The following ZSCAN30 variants were observed in gnomAD, a reference collection of about 807,000 sequenced individuals.
The protein encoded by ZSCAN30 is zinc finger and SCAN domain containing 30.
Under a neutral mutation model 44.3 loss-of-function variants are expected in ZSCAN30, and 37 were observed. The observed-to-expected ratio is 0.84, with a 90% CI of 0.64 to 1.10. ZSCAN30 has a LOEUF of 1.10. Among genes scored for constraint, ZSCAN30 ranks in the 50% least tolerant of loss-of-function variants. ZSCAN30 has a pLI of 0.00. For synonymous variants in ZSCAN30, 181 were observed against 204.6 expected (o/e 0.88, Z 0.98); for missense variants, 549 against 582.6 (o/e 0.94, Z 0.59).
chr18:35,271,916 C>T lies in ZSCAN30; in HGVS notation c.-103-7461G>A, dbSNP rs561243825. On this transcript the variant is annotated intron_variant, in intron 1 of 3. Coordinates refer to ENST00000333206, the MANE Select transcript of ZSCAN30 (RefSeq NM_001112734.4). ...TGCTAAGCCCCTTACTGCCTGGGGC[C>T]GGCGGCGCTGGCCGGCCGCTCCAAG... Among the ~76,000 whole-genome samples the T allele has an allele frequency of 5.3e-5, 8 of 152,212 alleles. No homozygotes were observed. The South Asian group carries it at 1.2e-3, about 24-fold the overall frequency.
rs764596765 is a variant in ZSCAN30 at position 35,264,220 on chromosome 18, C to T, written c.133G>A (p.Glu45Lys). Residue 45 changes from glutamate to lysine, a missense_variant, in exon 2 of 4, where the codon GAG becomes AAG. By Grantham distance (56) the Glu-to-Lys change is moderately conservative. Transcript: ENST00000333206. ...TGCCTGAACTTCTGCCGGAATACCT[C>T]TTGGCTCCAGGGGTTTTCCTGAAGG... ...FGLQENPWSQ[E>K]VFRQKFRQFS... The T allele has an allele frequency of 2.6e-5, 42 of 1,614,094 alleles. No individual in the cohort carries two copies. In the East Asian group the frequency reaches 9.4e-4, roughly 36 times the overall value.
intron 1 of ZSCAN30, among the ~76,000 whole-genome samples, chr18:35,278,275 T>C (rs775989410): frequency 9.2e-5 from 14 of 152,160 alleles, no homozygotes; most frequent in African/African-American, 1.4e-4. Flanking sequence ...TCAGCTGAGG[T>C]GGCCCTGCCA....
At chr18:35,289,644 C>G (rs139673862) in intron 1 of ZSCAN30, 10 of 152,294 alleles carry the variant, frequency 6.6e-5, no homozygotes, top group African/African-American at 2.2e-4. Context: ...TCCTTCTCAC[C>G]CTGATCAGTG....
intron 1 of ZSCAN30, among the ~76,000 whole-genome samples, chr18:35,279,563 C>A (rs149958887): frequency 8.3e-4 from 127 of 152,324 alleles, no homozygotes; most frequent in African/African-American, 2.9e-3. Context: ...TTATAAACAA[C>A]AGAAATTTAT....
At chr18:35,273,545 G>A (rs1234706270) in intron 1 of ZSCAN30, among the ~76,000 whole-genome samples, 4 of 152,196 alleles carry the variant, frequency 2.6e-5, no homozygotes, top group Non-Finnish European at 4.4e-5. Context: ...TGTATATGGT[G>A]TAAGGCAAGA....
intron 1 of ZSCAN30, among the ~76,000 whole-genome samples, chr18:35,272,350 G>GA (rs1555948905): frequency 4.1e-4 from 57 of 137,702 alleles, no homozygotes; most frequent in African/African-American, 1.4e-3. Context: ...ATTTTAGAAA[G>GA]TTTTTTTTTT....
intron 3 of ZSCAN30, chr18:35,258,049 G>A (rs2043900790): frequency 1.3e-6 from 1 of 776,194 alleles, no homozygotes; most frequent in Non-Finnish European, 2.4e-6. Flanking sequence ...TATAACTCAA[G>A]GTTGTAAAAA....
intron 1 of ZSCAN30, among the ~76,000 whole-genome samples, chr18:35,279,189 A>G (rs1338443856): frequency 6.6e-6 from 1 of 152,252 alleles, no homozygotes; most frequent in Non-Finnish European, 1.5e-5. Flanking sequence ...ACAAGATGGC[A>G]TAATAGAAAT....
intron 2 of ZSCAN30, 139 bp from the exon 3 acceptor site, chr18:35,263,796 A>G: frequency 1.5e-6 from 2 of 1,374,516 alleles, no homozygotes; most frequent in Non-Finnish European, 2.0e-6. Flanking sequence ...TAAGAGCCCT[A>G]GTGACTTGAA....
At chr18:35,263,367 G>T in intron 3 of ZSCAN30, 146 bp downstream of exon 3, 1 of 1,000,226 alleles carries the variant, frequency 1.0e-6, no homozygotes, top group Non-Finnish European at 1.5e-6. Context: ...TCTAGGCAGA[G>T]CCTAAGGAAG....
intron 3 of ZSCAN30, chr18:35,258,869 C>CAAAAAAAAAAAAAAAAAAA: frequency 3.3e-5 from 1 of 30,646 alleles, no homozygotes; most frequent in Non-Finnish European, 6.0e-5. Context: ...GACTCCATCT[C>CAAAAAAAAAAAAAAAAAAA]AAAAAAAAAA....
In ZSCAN30 at chr18:35,255,889, C is replaced by T. The variant is rs1479528824; in HGVS notation, c.554-1508G>A. ...AAAATATACTTGCATACAATAGAGG[C>T]ATAAAAATTAAAAGTACCAAATAGG... On this transcript the variant is annotated intron_variant, in intron 3 of 3. Coordinates refer to ENST00000333206, the MANE Select transcript of ZSCAN30 (RefSeq NM_001112734.4). The T allele has an allele frequency of 1.9e-5, 3 of 154,196 alleles. No homozygotes were observed. The East Asian group carries it at 5.8e-4, about 30-fold the overall frequency. 9.6% of individuals were successfully genotyped at this position (154,196 alleles called of 1,614,324 possible). A position where few individuals can be genotyped will look rare whatever the true frequency, so the allele number is the denominator to read the frequency against.
intron 1 of ZSCAN30, among the ~76,000 whole-genome samples, chr18:35,266,377 CTG>C (rs1464936172): frequency 6.6e-6 from 1 of 151,928 alleles, no homozygotes; most frequent in Non-Finnish European, 1.5e-5. Context: ...AGAAGAGAGA[CTG>C]TGAGAGACTG....
chr18:35,286,082 A>G (rs1355504747), intron 1 of ZSCAN30, among the ~76,000 whole-genome samples: 1 of 152,216 alleles, frequency 6.6e-6, no homozygotes, highest in African/African-American at 2.4e-5. Context: ...GCCAACTTAT[A>G]CAAAATTGGC....
At chr18:35,271,988 G>T (rs186229215) in intron 1 of ZSCAN30, among the ~76,000 whole-genome samples, 211 of 152,216 alleles carry the variant, frequency 1.4e-3, no homozygotes, top group African/African-American at 4.9e-3. Context: ...GCGCTGGCAC[G>T]GTTCCCGCCC....
chr18:35,288,882 T>C (rs574836547), intron 1 of ZSCAN30, among the ~76,000 whole-genome samples: 1 of 152,338 alleles, frequency 6.6e-6, no homozygotes, highest in East Asian at 1.9e-4. Context: ...CACAGCTGTA[T>C]TCATTTAACA....
chr18:35,262,609 A>T (rs1407782774), intron 3 of ZSCAN30: 1 of 152,228 alleles, frequency 6.6e-6, no homozygotes, highest in Non-Finnish European at 1.5e-5. Flanking sequence ...AGCAGTGCAC[A>T]TCCCAATGAG....
At chr18:35,265,744 G>C (rs1158707210) in intron 1 of ZSCAN30, among the ~76,000 whole-genome samples, 1 of 152,194 alleles carries the variant, frequency 6.6e-6, no homozygotes, top group African/African-American at 2.4e-5. Context: ...GTACCAAAGA[G>C]CAGTCTCAGA....
chr18:35,275,072 G>A lies in ZSCAN30; in HGVS notation c.-103-10617C>T, dbSNP rs183615319. ...TACAAAAAGTTTGCTTTTCTCCCAT[G>A]TATTTAATATACTTGCTATTTGCTT... On this transcript the variant is annotated intron_variant, in intron 1 of 3. Transcript: ENST00000333206. Among the ~76,000 whole-genome samples the A allele has an allele frequency of 3.9e-4, 60 of 152,218 alleles. No homozygotes were observed. The East Asian group carries it at 6.7e-3, about 17-fold the overall frequency.
Sources: allele counts gnomAD v4.1 joint callset (sites outside exome capture counted in the v4.1 genomes callset), GRCh38; gene constraint gnomAD v4.1.1; transcripts MANE v1.5; gene names NCBI Gene and HGNC (gene_info 2026-07-23, HGNC 2026-07-21).